Variants in SHCBP1L observed in about 807,000 individuals in gnomAD.
SHCBP1L encodes testicular spindle-associated protein SHCBP1L.
Under a neutral mutation model 62.5 loss-of-function variants are expected in SHCBP1L, and 67 were observed. The ratio of observed to expected loss-of-function variants is 1.07; its 90% CI spans 0.88 to 1.31. The LOEUF is 1.31. SHCBP1L is among the 40% of genes most tolerant of loss of function. SHCBP1L has a pLI of 0.00. For missense variants in SHCBP1L, 823 were observed against 809.8 expected, an observed-to-expected ratio of 1.02 and a Z score of -0.20; for synonymous variants, 284 against 289.4, an observed-to-expected ratio of 0.98 and a Z score of 0.19.
intron 6 of SHCBP1L, among the ~76,000 whole-genome samples, chr1:182,907,970 A>C (rs183698642): frequency 6.6e-6 from 1 of 152,364 alleles, no homozygotes; most frequent in Admixed American, 6.5e-5. Flanking sequence ...TCTTAACTAA[A>C]GAAAACCTTC....
At chr1:182,949,663 C>T (rs1260851395) in intron 2 of SHCBP1L, among the ~76,000 whole-genome samples, 1 of 151,394 alleles carries the variant, frequency 6.6e-6, no homozygotes, top group African/African-American at 2.4e-5. Context: ...CACCACTGCA[C>T]TCCAGCCTGG....
chr1:182,904,405 C>A lies in SHCBP1L; in HGVS notation c.1362G>T (p.Met454Ile). 1 of 1,614,070 alleles carries A rather than the reference C, an allele frequency of 6.2e-7. No homozygotes were observed. Among genetic ancestry groups the A allele is most frequent in the East Asian group, 2.2e-5 (1 of 44,878 alleles). The change falls in exon 8 of 10, where the codon ATG becomes ATT. Residue 454 changes from methionine to isoleucine, a missense_variant. Met to Ile is a conservative substitution (Grantham distance 10, BLOSUM62 1). Coordinates refer to ENST00000367547, the MANE Select transcript of SHCBP1L (RefSeq NM_030933.4). ...TGTCACGAGAAGGTTCAGAAGTAAT[C>A]ATAATTTCCTCTCTCTTTCCAACTC... ...IKGVGKREEI[M>I]ITSEPSRDSF...
intron 5 of SHCBP1L, 39 bp from the exon 6 acceptor site, chr1:182,929,791 GA>G: frequency 1.5e-6 from 2 of 1,337,548 alleles, no homozygotes; most frequent in Admixed American, 2.3e-5. Flanking sequence ...AAATTAACAT[GA>G]AAAAGACTGA....
intron 6 of SHCBP1L, among the ~76,000 whole-genome samples, chr1:182,907,230 C>T (rs969983003): frequency 8.6e-5 from 13 of 151,322 alleles, no homozygotes; most frequent in African/African-American, 2.7e-4. Context: ...GTCAGGAGTT[C>T]GAGACCAGCC....
intron 7 of SHCBP1L, 43 bp from the exon 8 acceptor site, chr1:182,904,473 A>T (rs1398405089): frequency 1.9e-6 from 3 of 1,601,012 alleles, no homozygotes; most frequent in Non-Finnish European, 2.6e-6. Context: ...GTAATCTCCC[A>T]TTTTAAGGCC....
chr1:182,935,651 T>C (rs909317548), intron 5 of SHCBP1L, among the ~76,000 whole-genome samples: 2 of 152,178 alleles, frequency 1.3e-5, no homozygotes, highest in African/African-American at 4.8e-5. Flanking sequence ...TGTTTCTTTT[T>C]CTTGTCTTAT....
chr1:182,947,194 G>A (rs1206712562), intron 2 of SHCBP1L, among the ~76,000 whole-genome samples: 4 of 143,138 alleles, frequency 2.8e-5, no homozygotes, highest in Non-Finnish European at 6.0e-5. Flanking sequence ...CCGAGATCGC[G>A]CCATGGTACT....
chr1:182,919,818 T>C (rs1272169094), intron 6 of SHCBP1L, among the ~76,000 whole-genome samples: 1 of 152,178 alleles, frequency 6.6e-6, no homozygotes, highest in South Asian at 2.1e-4. Context: ...CCAAACTTGA[T>C]AAAGATCTGA....
intron 2 of SHCBP1L, among the ~76,000 whole-genome samples, chr1:182,944,156 A>ATAAATAAATAAATAAATAAG (rs60075454): frequency 6.6e-6 from 1 of 151,462 alleles, no homozygotes; most frequent in African/African-American, 2.4e-5. Flanking sequence ...AAATAAATAA[A>ATAAATAAATAAATAAATAAG]AGAGGCCGGG....
chr1:182,926,786 A>G (rs939827745), intron 6 of SHCBP1L, among the ~76,000 whole-genome samples: 1 of 152,086 alleles, frequency 6.6e-6, no homozygotes, highest in Non-Finnish European at 1.5e-5. Flanking sequence ...GTTTAACTTT[A>G]GTTCAGAAAC....
intron 1 of SHCBP1L, among the ~76,000 whole-genome samples, chr1:182,951,753 C>A (rs920618260): frequency 6.6e-6 from 1 of 151,984 alleles, no homozygotes; most frequent in African/African-American, 2.4e-5. Flanking sequence ...AATATCACTG[C>A]AGTGAATATG....
intron 6 of SHCBP1L, among the ~76,000 whole-genome samples, chr1:182,928,267 AT>A (rs1257675652): frequency 6.6e-6 from 1 of 152,080 alleles, no homozygotes; most frequent in Non-Finnish European, 1.5e-5. Flanking sequence ...ACACTAATTT[AT>A]TCATTCACCA....
Position 182,930,426 on chromosome 1 carries a change from CA to C in SHCBP1L, c.1077-675del, listed in dbSNP as rs555670167. Among the ~76,000 whole-genome samples the C allele has an allele frequency of 4.1e-4, 62 of 150,858 alleles. 1 individual carries two copies. The South Asian group carries it at 0.013, about 32-fold the overall frequency. ...GTTGGCTTTTATCATTACTGTCAGC[CA>C]AAAGGGACACTCTTTTTCCAATAGA... On this transcript the variant is annotated intron_variant, in intron 5 of 9. Coordinates refer to ENST00000367547, the MANE Select transcript of SHCBP1L (RefSeq NM_030933.4).
intron 6 of SHCBP1L, among the ~76,000 whole-genome samples, chr1:182,907,827 C>T (rs941488531): frequency 3.9e-5 from 6 of 152,170 alleles, no homozygotes; most frequent in African/African-American, 1.4e-4. Flanking sequence ...GATCCACCCG[C>T]CTTGGTCTCC....
intron 3 of SHCBP1L, 27 bp downstream of exon 3, chr1:182,940,302 A>G (rs772097779): frequency 1.3e-6 from 2 of 1,571,238 alleles, no homozygotes; most frequent in East Asian, 2.2e-5. Context: ...TAATAAATTT[A>G]ATTTTCAAAA....
At chr1:182,919,741 T>G (rs1040624785) in intron 6 of SHCBP1L, among the ~76,000 whole-genome samples, 1 of 152,186 alleles carries the variant, frequency 6.6e-6, no homozygotes, top group African/African-American at 2.4e-5. Context: ...CTGAGGAAGA[T>G]CAAACTGGGT....
chr1:182,953,058 A>C lies in SHCBP1L; in HGVS notation c.76T>G (p.Ser26Ala), dbSNP rs1182342998. The part of the protein sequence containing the change: ...TISPDRRGEK[S>A]ASAVSGDTAA... ...GTGTCCCCGGAGACAGCGGAGGCGGACTTCTCGCCTCGCCTGTCCGGGCTG... is the reference window on the plus strand; with the variant it reads ...GTGTCCCCGGAGACAGCGGAGGCGGCCTTCTCGCCTCGCCTGTCCGGGCTG... The change falls in exon 1 of 10, where the codon TCC (serine) becomes GCC (alanine). Residue 26 changes from serine (S) to alanine (A), a missense_variant. Ser to Ala is a moderately conservative substitution (Grantham distance 99). Coordinates refer to ENST00000367547, the MANE Select transcript of SHCBP1L (RefSeq NM_030933.4). 6.5e-7 allele frequency: 1 copy of C among 1,547,072 alleles called. No homozygotes were observed. Among genetic ancestry groups the C allele is most frequent in the Non-Finnish European group, 8.7e-7 (1 of 1,152,204 alleles).
chr1:182,932,275 T>G (rs1443624369), intron 5 of SHCBP1L, among the ~76,000 whole-genome samples: 35 of 152,044 alleles, frequency 2.3e-4, no homozygotes, highest in Admixed American at 2.3e-3. Flanking sequence ...CAGGTTTTTG[T>G]GTGAACATAA....
chr1:182,922,574 A>AATCAAT (rs973693006), intron 6 of SHCBP1L, among the ~76,000 whole-genome samples: 1 of 151,970 alleles, frequency 6.6e-6, no homozygotes, highest in Admixed American at 6.6e-5. Flanking sequence ...AAAAGAAAGA[A>AATCAAT]ATCAATACTA....
Sources: allele counts gnomAD v4.1 joint callset (sites outside exome capture counted in the v4.1 genomes callset), GRCh38; gene constraint gnomAD v4.1.1; transcripts MANE v1.5; gene names NCBI Gene and HGNC (gene_info 2026-07-23, HGNC 2026-07-21).